FRMPD4: variants seen among roughly 807,000 people sequenced by gnomAD.
The protein encoded by FRMPD4 is FERM and PDZ domain containing 4.
A neutral mutation model predicts 94.1 loss-of-function variants in FRMPD4; 22 were observed. The ratio of observed to expected loss-of-function variants is 0.23; its 90% CI spans 0.17 to 0.33. The LOEUF (loss-of-function observed/expected upper bound fraction) is 0.33. Among genes scored for constraint, FRMPD4 ranks in the 10% least tolerant of loss-of-function variants. The pLI is 1.00. For missense variants in FRMPD4, 1,111 were observed against 1,339.9 expected (o/e 0.83, Z 2.67); for synonymous variants, 631 against 548.6 (o/e 1.15, Z -2.10).
At chrX:12,280,481 G>A (rs2054507438) in intron 1 of FRMPD4, among the ~76,000 whole-genome samples, 1 of 110,047 alleles carries the variant, frequency 9.1e-6, no homozygotes, top group Non-Finnish European at 1.9e-5. Context: ...TTCCTGGGCA[G>A]CCCAGGCCTC....
chrX:12,198,130 T>C lies in FRMPD4; in HGVS notation c.41+59118T>C, dbSNP rs1156258185. ...ATGTGAATATATTAATACTATGGGA[T>C]TGATTTACTCCATCATTTCTGTACT... On this transcript the variant is annotated intron_variant, in intron 1 of 16. Coordinates refer to ENST00000675598, the MANE Select transcript of FRMPD4 (RefSeq NM_001368397.1). 6.2e-5 allele frequency among the ~76,000 whole-genome samples: 7 copies of C among 112,063 alleles called. No individual in the cohort carries two copies. In the East Asian group the frequency reaches 2.0e-3, roughly 31 times the overall value.
intron 3 of FRMPD4, among the ~76,000 whole-genome samples, chrX:12,108,497 A>G (rs778082434): frequency 8.9e-5 from 10 of 112,501 alleles, no homozygotes; most frequent in Admixed American, 5.6e-4. Context: ...CATCAATGCT[A>G]GGAAGAAACT....
In FRMPD4 at chrX:12,205,752, G is replaced by A. The variant is rs2056685035; in HGVS notation, c.41+66740G>A. Among the ~76,000 whole-genome samples the A allele has an allele frequency of 4.5e-5, 5 of 112,044 alleles. No homozygotes were observed. The South Asian group carries it at 1.9e-3, about 42-fold the overall frequency. On this transcript the variant is annotated intron_variant, in intron 1 of 16. Coordinates refer to ENST00000675598, the MANE Select transcript of FRMPD4 (RefSeq NM_001368397.1). ...TTATGCAACTTTACAGGGCAGTTCT[G>A]TCTACCTCAGCATTACCCCTTTCAT...
intron 3 of FRMPD4, among the ~76,000 whole-genome samples, chrX:11,896,469 T>A (rs7883902): frequency 9.0e-6 from 1 of 111,243 alleles, no homozygotes; most frequent in African/African-American, 3.3e-5. Flanking sequence ...AAAGAGATCC[T>A]AGAGAGCTGC....
chrX:12,548,518 T>C (rs1288572782), intron 2 of FRMPD4, among the ~76,000 whole-genome samples: 1 of 112,740 alleles, frequency 8.9e-6, no homozygotes, highest in Non-Finnish European at 1.9e-5. Context: ...ACTTCTCAAC[T>C]CTGGCTTCTC....
intron 1 of FRMPD4, among the ~76,000 whole-genome samples, chrX:12,231,586 G>A (rs2057009084): frequency 9.0e-6 from 1 of 111,189 alleles, no homozygotes; most frequent in African/African-American, 3.3e-5. Context: ...CACTTGCACG[G>A]AAGACTCACT....
intron 5 of FRMPD4, among the ~76,000 whole-genome samples, chrX:12,681,709 A>ACACACACACGCACG (rs1238222878): frequency 9.1e-6 from 1 of 110,168 alleles, no homozygotes; most frequent in African/African-American, 3.3e-5. Context: ...ACACACACAC[A>ACACACACACGCACG]CACACACACG....
chrX:12,016,891 T>C (rs1176833389), intron 3 of FRMPD4, among the ~76,000 whole-genome samples: 3 of 111,978 alleles, frequency 2.7e-5, no homozygotes, highest in African/African-American at 9.7e-5. Flanking sequence ...AAAGCCTCTA[T>C]TGGAAGCAAA....
At chrX:11,970,207 A>G (rs2054333003) in intron 3 of FRMPD4, among the ~76,000 whole-genome samples, 1 of 112,268 alleles carries the variant, frequency 8.9e-6, no homozygotes, top group African/African-American at 3.2e-5. Flanking sequence ...CCTTCATCCC[A>G]TAATAAGCAA....
At chrX:12,524,746 CCT>C (rs903688698) in intron 2 of FRMPD4, among the ~76,000 whole-genome samples, 15 of 111,030 alleles carry the variant, frequency 1.4e-4, no homozygotes, top group African/African-American at 3.9e-4. Context: ...TCTTTTAGCC[CCT>C]GTTTCCTACA....
At chrX:12,021,197 TA>T (rs2054630511) in intron 3 of FRMPD4, among the ~76,000 whole-genome samples, 1 of 112,162 alleles carries the variant, frequency 8.9e-6, no homozygotes, top group Non-Finnish European at 1.9e-5. Context: ...CAAACCTATA[TA>T]AAAAATAACT....
At chrX:11,991,106 A>G (rs1191997117) in intron 3 of FRMPD4, among the ~76,000 whole-genome samples, 5 of 111,745 alleles carry the variant, frequency 4.5e-5, no homozygotes, top group Admixed American at 9.5e-5. Context: ...GTCTCATTCC[A>G]GTTTGCAAAG....
chrX:12,477,543 A>G (rs925237153), intron 1 of FRMPD4, among the ~76,000 whole-genome samples: 1 of 112,630 alleles, frequency 8.9e-6, no homozygotes, highest in African/African-American at 3.2e-5. Context: ...CTGGGCAGAC[A>G]TCGGTCTTTT....
In FRMPD4 at chrX:12,507,699, C is replaced by T. The variant is rs181978557; in HGVS notation, c.158+8903C>T. On this transcript the variant is annotated intron_variant, in intron 2 of 16. Transcript: ENST00000675598. ...GAGCCCCAGTTTGTCCTACTTGTTGCCAGAAAGCTCTATGATGTGTCTTCT... is the reference window on the plus strand; with the variant it reads ...GAGCCCCAGTTTGTCCTACTTGTTGTCAGAAAGCTCTATGATGTGTCTTCT... Among the ~76,000 whole-genome samples the T allele has an allele frequency of 8.6e-3, 969 of 112,055 alleles. 6 individuals are homozygous for T. Among genetic ancestry groups the T allele is most frequent in the Non-Finnish European group, 0.013 (669 of 53,230 alleles).
chrX:12,056,563 G>T (rs1055914970), intron 3 of FRMPD4, among the ~76,000 whole-genome samples: 2 of 111,428 alleles, frequency 1.8e-5, no homozygotes, highest in Non-Finnish European at 3.8e-5. Context: ...ACGACACCTT[G>T]GAGAGAATGG....
rs767222002 is a variant in FRMPD4, at chrX:12,538,943, C to G, written c.158+40147C>G. 9.8e-5 allele frequency among the ~76,000 whole-genome samples: 11 copies of G among 112,391 alleles called. No individual in the cohort carries two copies. In the South Asian group the frequency reaches 3.0e-3, roughly 30 times the overall value. On this transcript the variant is annotated intron_variant, in intron 2 of 16. Transcript: ENST00000675598. ...AGAGCTGGAGCTGGATGGAGAATGA[C>G]TTTGACAAGTTGGGAGAAGAAGGCT...
intron 2 of FRMPD4, among the ~76,000 whole-genome samples, chrX:12,587,909 G>T (rs1338167939): frequency 1.8e-5 from 2 of 111,928 alleles, no homozygotes; most frequent in Non-Finnish European, 3.8e-5. Context: ...AAACCATTCT[G>T]GCCTGGCCTG....
At chrX:12,282,928 G>A (rs1051945318) in intron 1 of FRMPD4, among the ~76,000 whole-genome samples, 1 of 112,675 alleles carries the variant, frequency 8.9e-6, no homozygotes, top group African/African-American at 3.2e-5. Context: ...TCAGCTGTAG[G>A]TGGATATTGC....
At chrX:12,185,342 A>C (rs1225358379) in intron 1 of FRMPD4, among the ~76,000 whole-genome samples, 3 of 111,756 alleles carry the variant, frequency 2.7e-5, no homozygotes, top group African/African-American at 9.8e-5. Context: ...CAAATGACTC[A>C]CTTGGGGAGA....
Sources: gnomAD v4.1 joint callset for allele counts (sites outside exome capture counted in the v4.1 genomes callset) on GRCh38, gnomAD v4.1.1 for gene constraint, MANE v1.5 for transcripts, NCBI Gene and HGNC (gene_info 2026-07-23, HGNC 2026-07-21) for gene names.